The following USP8 variants were observed in gnomAD, a reference collection of about 807,000 sequenced individuals.
USP8 encodes ubiquitin carboxyl-terminal hydrolase 8.
In USP8, 27 loss-of-function variants were observed where a neutral mutation model predicts 130.0. The observed-to-expected ratio is 0.21, with a 90% confidence interval of 0.15 to 0.29. The LOEUF (loss-of-function observed/expected upper bound fraction) is 0.29. Ranked by LOEUF, USP8 falls within the 10% of genes least tolerant of loss-of-function variation. The pLI is 1.00. For synonymous variants in USP8, 392 were observed against 444.1 expected, an observed-to-expected ratio of 0.88 and a Z score of 1.48; for missense variants, 1,029 against 1,312.2, an observed-to-expected ratio of 0.78 and a Z score of 3.33.
At chr15:50,441,710 A>C (rs1314833335) in intron 3 of USP8, among the ~76,000 whole-genome samples, 3 of 152,208 alleles carry the variant, frequency 2.0e-5, no homozygotes, top group Non-Finnish European at 2.9e-5. Flanking sequence ...GCCATGGATT[A>C]GTACAAGTTT....
At chr15:50,473,595 C>T (rs1234878347) in intron 8 of USP8, among the ~76,000 whole-genome samples, 1 of 151,510 alleles carries the variant, frequency 6.6e-6, no homozygotes, top group Admixed American at 6.6e-5. Flanking sequence ...GAACTCCTGG[C>T]TCAAGTGATC....
intron 5 of USP8, among the ~76,000 whole-genome samples, chr15:50,460,612 C>T (rs1383855986): frequency 6.6e-6 from 1 of 151,840 alleles, no homozygotes; most frequent in African/African-American, 2.4e-5. Flanking sequence ...CCTGGCTTCT[C>T]CCATTTTTTC....
At chr15:50,435,060 A>T (rs1417257762) in intron 1 of USP8, among the ~76,000 whole-genome samples, 1 of 152,024 alleles carries the variant, frequency 6.6e-6, no homozygotes, top group Non-Finnish European at 1.5e-5. Context: ...CTGCTGTTTT[A>T]TTTTTTTTAA....
intron 2 of USP8, among the ~76,000 whole-genome samples, chr15:50,441,083 A>T (rs2050244343): frequency 6.6e-6 from 1 of 152,038 alleles, no homozygotes; most frequent in Non-Finnish European, 1.5e-5. Context: ...TGGGAATCTA[A>T]TGCCACCATG....
chr15:50,459,996 CT>C lies in USP8; in HGVS notation c.498+852del, dbSNP rs1555386693. 2.2e-3 allele frequency among the ~76,000 whole-genome samples: 201 copies of C among 91,914 alleles called. 1 individual carries two copies. Among genetic ancestry groups the C allele is most frequent in the Middle Eastern group, 5.9e-3 (1 of 170 alleles). The allele number at this position is 91,914 out of a possible 152,430, so 60.3% of individuals were successfully genotyped here. ...CTCCCCCAGTTCCCCCACCCCCCCC[CT>C]TTTTTTTTTTTTTTTTTGAGACAGA... is the stretch of plus-strand genomic sequence containing the variant. On this transcript the variant is annotated intron_variant, in intron 5 of 19. Coordinates refer to ENST00000307179, the MANE Select transcript of USP8 (RefSeq NM_005154.5).
Position 50,489,855 on chromosome 15 carries a change from C to T in USP8, c.1945C>T (p.Pro649Ser). Residue 649 changes from proline to serine, a missense_variant, in exon 13 of 20, where the codon CCA (proline) becomes TCA (serine). By Grantham distance (74) the Pro-to-Ser change is moderately conservative. Around this residue, in one of 4 missense-constraint regions of USP8, gnomAD observed 486 missense variants for 522.0 expected, o/e 0.93. Coordinates refer to ENST00000307179, the MANE Select transcript of USP8 (RefSeq NM_005154.5). ...AAGTGAAGAAATGGGGAGGATCGTACCAGGACTGCCTTCAGGCTGGGCCAA... is the reference window on the plus strand; with the variant it reads ...AAGTGAAGAAATGGGGAGGATCGTATCAGGACTGCCTTCAGGCTGGGCCAA... ...ARSEEMGRIV[P>S]GLPSGWAKFL... 1 of 1,584,200 alleles carries T rather than the reference C, an allele frequency of 6.3e-7. No individual in the cohort carries two copies. Among genetic ancestry groups the T allele is most frequent in the East Asian group, 2.3e-5 (1 of 43,018 alleles).
rs74564155 is a variant in USP8 at position 50,482,094 on chromosome 15, G to A, written c.1803+29G>A. The A allele has an allele frequency of 3.1e-4, 452 of 1,454,788 alleles. 2 individuals are homozygous for A. In the East Asian group the frequency reaches 0.01, roughly 33 times the overall value. 90.1% of individuals were successfully genotyped at this position (1,454,788 alleles called of 1,614,324 possible). A position where few individuals can be genotyped will look rare whatever the true frequency, so the allele number is the denominator to read the frequency against. On this transcript the variant is annotated intron_variant, in intron 11 of 19. Transcript: ENST00000307179. ...AGCAGAAACAGTACAAATTGCCAAC[G>A]AAGTGAAAGAAAATGTATATGAAAA...
chr15:50,429,560 C>T (rs892666108), intron 1 of USP8, among the ~76,000 whole-genome samples: 7 of 151,962 alleles, frequency 4.6e-5, no homozygotes, highest in East Asian at 1.9e-4. Flanking sequence ...GTGGGCAAGG[C>T]GAGGTTGGCT....
intron 7 of USP8, among the ~76,000 whole-genome samples, chr15:50,466,564 C>A (rs2051195285): frequency 6.7e-6 from 1 of 149,348 alleles, no homozygotes; most frequent in African/African-American, 2.5e-5. Context: ...CACTGCACTC[C>A]AGCCTGGGCT....
At chr15:50,446,649 T>A (rs1183189913) in intron 3 of USP8, among the ~76,000 whole-genome samples, 1 of 152,244 alleles carries the variant, frequency 6.6e-6, no homozygotes. Context: ...TTGAACAAAC[T>A]GTACACTTTT....
intron 10 of USP8, among the ~76,000 whole-genome samples, chr15:50,479,434 A>G (rs1408363435): frequency 2.0e-5 from 3 of 152,214 alleles, no homozygotes; most frequent in Non-Finnish European, 1.5e-5. Flanking sequence ...GATGGACAAG[A>G]GTCATCAAGA....
At chr15:50,441,969 C>CTTT (rs1011150634) in intron 3 of USP8, among the ~76,000 whole-genome samples, 185 of 81,390 alleles carry the variant, frequency 2.3e-3, no homozygotes, top group East Asian at 3.3e-3. Flanking sequence ...CTCCCTAAAT[C>CTTT]TTTTTTTTTT....
intron 1 of USP8, among the ~76,000 whole-genome samples, chr15:50,428,929 A>C (rs979603248): frequency 6.6e-6 from 1 of 152,246 alleles, no homozygotes; most frequent in Non-Finnish European, 1.5e-5. Context: ...GCACTGTAAT[A>C]CTGCTATAGT....
rs78169455 is a variant in USP8, at chr15:50,480,486, G to A, written c.1219-995G>A. 6.4e-3 allele frequency among the ~76,000 whole-genome samples: 969 copies of A among 152,288 alleles called. 14 individuals carry two copies. The highest frequency in any genetic ancestry group is 0.022 in the African/African-American group (933 of 41,556). ...GGTAGAGAAGAATAAAGTATTATAA[G>A]AGCATGTATCAGGGGACTTGGCTAG... is the stretch of plus-strand genomic sequence containing the variant. On this transcript the variant is annotated intron_variant, in intron 10 of 19. Coordinates refer to ENST00000307179, the MANE Select transcript of USP8 (RefSeq NM_005154.5).
rs2052764206 is a variant in USP8, at chr15:50,513,442, G to C, written c.*14354G>C. 6.7e-6 allele frequency: 1 copy of C among 148,698 alleles called. No individual in the cohort carries two copies. The highest frequency in any genetic ancestry group is 1.5e-5 in the Non-Finnish European group (1 of 67,510). 9.2% of individuals were successfully genotyped at this position (148,698 alleles called of 1,614,324 possible). On this transcript the variant is annotated 3_prime_UTR_variant, in exon 20 of 20. Coordinates refer to ENST00000307179, the MANE Select transcript of USP8 (RefSeq NM_005154.5). ...ATGCTTGGCGCGGTAGCTCACACCT[G>C]TAATCCCAGCACTTTGGGAGGATGA...
intron 7 of USP8, among the ~76,000 whole-genome samples, chr15:50,465,871 G>T (rs1264585204): frequency 1.3e-5 from 2 of 152,162 alleles, no homozygotes; most frequent in Admixed American, 6.5e-5. Flanking sequence ...TCTAAGCTCA[G>T]GTTTCCATCT....
chr15:50,497,033 T>C, intron 17 of USP8, 56 bp from the exon 18 acceptor site: 1 of 1,551,308 alleles, frequency 6.4e-7, no homozygotes, highest in Admixed American at 2.0e-5. Context: ...AGGTGCTCTC[T>C]GACATTATTG....
At chr15:50,476,315 A>G (rs1351643987) in intron 8 of USP8, among the ~76,000 whole-genome samples, 1 of 152,176 alleles carries the variant, frequency 6.6e-6, no homozygotes, top group East Asian at 1.9e-4. Flanking sequence ...TGTAAGTCCC[A>G]GCTACTGGGA....
intron 3 of USP8, among the ~76,000 whole-genome samples, chr15:50,444,218 T>G (rs1035860179): frequency 1.3e-5 from 2 of 150,642 alleles, no homozygotes; most frequent in African/African-American, 4.9e-5. Flanking sequence ...ATTCTCCTGC[T>G]TCAGCCTCCC....
Sources: allele counts gnomAD v4.1 joint callset (sites outside exome capture counted in the v4.1 genomes callset), GRCh38; gene constraint gnomAD v4.1.1; regional missense constraint gnomAD v4.1.1; transcripts MANE v1.5; gene names NCBI Gene and HGNC (gene_info 2026-07-23, HGNC 2026-07-21).